The following ADGRL3 variants were observed in gnomAD, a reference collection of about 807,000 sequenced individuals.
The protein encoded by ADGRL3 is calcium-independent alpha-latrotoxin receptor 3.
A neutral mutation model predicts 153.5 loss-of-function variants in ADGRL3; 62 were observed. The observed-to-expected ratio is 0.40, with a 90% CI of 0.33 to 0.50. The LOEUF is 0.50. ADGRL3 is among the 20% of genes least tolerant of loss of function. The pLI is 0.47. For missense variants in ADGRL3, 1,641 were observed against 1,859.4 expected, an observed-to-expected ratio of 0.88 and a Z score of 2.16; for synonymous variants, 710 against 672.5, an observed-to-expected ratio of 1.06 and a Z score of -0.86.
At chr4:61,207,440 G>T (rs1311675135) in intron 1 of ADGRL3, among the ~76,000 whole-genome samples, 1 of 152,140 alleles carries the variant, frequency 6.6e-6, no homozygotes, top group Non-Finnish European at 1.5e-5. Context: ...TCTTTATCCA[G>T]TCTATCATTG....
intron 2 of ADGRL3, among the ~76,000 whole-genome samples, chr4:61,426,539 GC>G (rs1371228217): frequency 6.7e-6 from 1 of 149,574 alleles, no homozygotes; most frequent in African/African-American, 2.4e-5. Context: ...ATGCAGCCTT[GC>G]CTGGAAACTT....
rs114889603 is a variant in ADGRL3, at chr4:61,723,721, G to C, written c.584-6901G>C. The stretch of plus-strand genomic sequence containing the variant: ...ACTAGAAGAGGGAGGGAACCGCCAT[G>C]TTGGGTGGATCAGGTTTCTATTTCC... On this transcript the variant is annotated intron_variant, in intron 6 of 26. Transcript: ENST00000683033. Among the ~76,000 whole-genome samples, 1,376 of 152,232 alleles carry C rather than the reference G, an allele frequency of 9.0e-3. 30 individuals are homozygous for C. The highest frequency in any genetic ancestry group is 0.031 in the African/African-American group (1,305 of 41,522).
chr4:61,787,668 T>C (rs2097293616), intron 8 of ADGRL3, among the ~76,000 whole-genome samples: 1 of 152,102 alleles, frequency 6.6e-6, no homozygotes. Context: ...CTCTTCTTTT[T>C]TGTTTATGAA....
At chr4:62,024,332 A>G (rs574833846) in intron 21 of ADGRL3, among the ~76,000 whole-genome samples, 265 of 152,280 alleles carry the variant, frequency 1.7e-3, no homozygotes, top group African/African-American at 6.2e-3. Context: ...GGGATAAAAT[A>G]TTTATGATAT....
chr4:61,747,545 G>T (rs2096683481), intron 8 of ADGRL3, among the ~76,000 whole-genome samples: 1 of 145,718 alleles, frequency 6.9e-6, no homozygotes, highest in Non-Finnish European at 1.5e-5. Context: ...ATGCAAGGCT[G>T]GTTCAATATA....
At position 61,805,913 on chromosome 4, in the gene ADGRL3, G is replaced by A. The variant is rs17292016; in HGVS notation, c.1400-7896G>A. The stretch of plus-strand genomic sequence containing the variant: ...AATGGGTAGACAGAGAGTTAACATC[G>A]TTATCAAATTTGCAACACTTCTCAA... On this transcript the variant is annotated intron_variant, in intron 8 of 26. Transcript: ENST00000683033. Among the ~76,000 whole-genome samples, 207 of 152,168 alleles carry A rather than the reference G, an allele frequency of 1.4e-3. 4 individuals carry two copies. The East Asian group carries it at 0.035, about 26-fold the overall frequency.
At chr4:61,797,599 T>TC (rs1159036023) in intron 8 of ADGRL3, among the ~76,000 whole-genome samples, 1 of 152,194 alleles carries the variant, frequency 6.6e-6, no homozygotes, top group African/African-American at 2.4e-5. Flanking sequence ...ATGTGATCAT[T>TC]ATCCTCATCC....
intron 4 of ADGRL3, among the ~76,000 whole-genome samples, chr4:61,558,545 G>T (rs986633344): frequency 3.3e-5 from 5 of 151,244 alleles, no homozygotes; most frequent in Admixed American, 2.0e-4. Flanking sequence ...TATCTATCTA[G>T]ATCTCTTTCT....
chr4:61,808,917 G>A (rs903998851), intron 8 of ADGRL3, among the ~76,000 whole-genome samples: 1 of 151,234 alleles, frequency 6.6e-6, no homozygotes, highest in Non-Finnish European at 1.5e-5. Context: ...AGTTATTATT[G>A]TAGTAGAGCA....
intron 1 of ADGRL3, among the ~76,000 whole-genome samples, chr4:61,353,236 C>T (rs1004032975): frequency 6.6e-6 from 1 of 151,904 alleles, no homozygotes; most frequent in African/African-American, 2.4e-5. Context: ...TGTGTGTGTG[C>T]ATATGTATAC....
intron 8 of ADGRL3, among the ~76,000 whole-genome samples, chr4:61,766,851 C>T (rs1156839767): frequency 2.0e-5 from 3 of 151,898 alleles, no homozygotes; most frequent in Admixed American, 1.3e-4. Flanking sequence ...GGGTTTGGCA[C>T]CACGGGGTGG....
intron 8 of ADGRL3, among the ~76,000 whole-genome samples, chr4:61,742,853 A>G (rs530920139): frequency 6.6e-6 from 1 of 152,302 alleles, no homozygotes; most frequent in Non-Finnish European, 1.5e-5. Flanking sequence ...ACTTAAAAAG[A>G]ATTCTGGCTG....
intron 4 of ADGRL3, among the ~76,000 whole-genome samples, chr4:61,528,198 A>G (rs950338077): frequency 6.6e-6 from 1 of 152,164 alleles, no homozygotes; most frequent in Non-Finnish European, 1.5e-5. Flanking sequence ...TACATGAGTT[A>G]ATTCACATCA....
intron 8 of ADGRL3, among the ~76,000 whole-genome samples, chr4:61,798,744 A>T (rs901549265): frequency 6.6e-6 from 1 of 151,064 alleles, no homozygotes; most frequent in Non-Finnish European, 1.5e-5. Flanking sequence ...TAGCCTCCCG[A>T]GTGGCTGTGA....
chr4:61,973,769 T>G (rs751522127), intron 17 of ADGRL3, among the ~76,000 whole-genome samples: 1 of 152,212 alleles, frequency 6.6e-6, no homozygotes, highest in Admixed American at 6.5e-5. Context: ...CCTGACAAAA[T>G]TTTTTAGTGT....
chr4:61,711,350 A>G (rs2095977686), intron 6 of ADGRL3, among the ~76,000 whole-genome samples: 1 of 151,024 alleles, frequency 6.6e-6, no homozygotes, highest in Non-Finnish European at 1.5e-5. Context: ...AAAAGTAGGC[A>G]ATGATAGCTA....
At chr4:61,541,346 A>AC in intron 4 of ADGRL3, among the ~76,000 whole-genome samples, 1 of 103,334 alleles carries the variant, frequency 9.7e-6, no homozygotes, top group East Asian at 3.0e-4. Context: ...TCTGGTAGAG[A>AC]TTTTTTTTTT....
intron 5 of ADGRL3, among the ~76,000 whole-genome samples, chr4:61,647,854 T>G (rs2094094203): frequency 6.6e-6 from 1 of 152,120 alleles, no homozygotes; most frequent in African/African-American, 2.4e-5. Context: ...CTGTAAGTTT[T>G]CTTTCTTTCA....
intron 17 of ADGRL3, among the ~76,000 whole-genome samples, chr4:61,951,171 A>G (rs1388922470): frequency 6.6e-6 from 1 of 152,228 alleles, no homozygotes; most frequent in Non-Finnish European, 1.5e-5. Flanking sequence ...AATATCCTAC[A>G]TGTCTAAATA....
Sources: gnomAD v4.1 joint callset for allele counts (sites outside exome capture counted in the v4.1 genomes callset) on GRCh38, gnomAD v4.1.1 for gene constraint, MANE v1.5 for transcripts, NCBI Gene and HGNC (gene_info 2026-07-23, HGNC 2026-07-21) for gene names.